The following MAF variants were observed in gnomAD, a reference collection of about 807,000 sequenced individuals.
MAF encodes the protein transcription factor Maf.
MAF carries 10 observed loss-of-function variants against 22.0 expected under a neutral mutation model. The ratio of observed to expected loss-of-function variants is 0.45; its 90% CI spans 0.28 to 0.77. MAF has a LOEUF of 0.77. Ranked by LOEUF, MAF falls within the 30% of genes least tolerant of loss-of-function variation. The pLI, the probability that MAF is intolerant of heterozygous loss-of-function variation, is 0.12. For missense variants in MAF, 544 were observed against 548.4 expected (o/e 0.99, Z 0.08); for synonymous variants, 337 against 255.8 (o/e 1.32, Z -3.03).
the MAF span, among the ~76,000 whole-genome samples, chr16:79,503,072 G>A: frequency 2.0e-5 from 3 of 152,020 alleles, no homozygotes; most frequent in Admixed American, 6.6e-5. Flanking sequence ...GAGCCTGGGG[G>A]TTCAAATTCA....
the MAF span, among the ~76,000 whole-genome samples, chr16:79,513,482 G>A: frequency 6.6e-6 from 1 of 152,206 alleles, no homozygotes; most frequent in Admixed American, 6.5e-5. Context: ...GACGGTCAAT[G>A]AAACAGCATT....
the MAF span, among the ~76,000 whole-genome samples, chr16:79,333,602 T>C: frequency 6.6e-5 from 10 of 152,204 alleles, no homozygotes; most frequent in African/African-American, 2.2e-4. Flanking sequence ...TGATACTGAG[T>C]TACATTTTTT....
chr16:79,598,420 A>AC, intron 1 of MAF: 3 of 987,468 alleles, frequency 3.0e-6, no homozygotes, highest in Non-Finnish European at 3.9e-6. Flanking sequence ...AGATCATTGA[A>AC]CATTGTGCAA....
At chr16:79,313,266 A>T in the MAF span, among the ~76,000 whole-genome samples, 1 of 152,138 alleles carries the variant, frequency 6.6e-6, no homozygotes, top group Non-Finnish European at 1.5e-5. Context: ...TAACAACATG[A>T]TTAATTTTTT....
At chr16:79,467,446 C>A in the MAF span, among the ~76,000 whole-genome samples, 1 of 152,196 alleles carries the variant, frequency 6.6e-6, no homozygotes. Context: ...ATGAAAGAAT[C>A]TCCCTTATTG....
the MAF span, among the ~76,000 whole-genome samples, chr16:79,387,463 G>C: frequency 4.1e-4 from 63 of 152,218 alleles, no homozygotes; most frequent in South Asian, 0.011. Flanking sequence ...ATGAGTCCCA[G>C]TGGGAAGTTA....
chr16:79,503,687 T>C, the MAF span, among the ~76,000 whole-genome samples: 1 of 150,920 alleles, frequency 6.6e-6, no homozygotes, highest in Admixed American at 6.6e-5. Context: ...AAAAATCACA[T>C]GAGTGTTCCT....
the MAF span, among the ~76,000 whole-genome samples, chr16:79,319,134 T>A: frequency 6.6e-6 from 1 of 152,114 alleles, no homozygotes; most frequent in South Asian, 2.1e-4. Context: ...ACTCCAAATA[T>A]CCAGGCAGAG....
At chr16:79,207,530 A>C in the MAF span, among the ~76,000 whole-genome samples, 4 of 152,232 alleles carry the variant, frequency 2.6e-5, no homozygotes, top group African/African-American at 7.2e-5. Flanking sequence ...TTTGCTGTGC[A>C]ATGTCCCTGT....
chr16:79,279,470 C>G, the MAF span, among the ~76,000 whole-genome samples: 1 of 152,164 alleles, frequency 6.6e-6, no homozygotes, highest in Non-Finnish European at 1.5e-5. Flanking sequence ...TTCTGAGTAG[C>G]TGTGGGGAAT....
At chr16:79,335,723 G>T in the MAF span, among the ~76,000 whole-genome samples, 1 of 152,230 alleles carries the variant, frequency 6.6e-6, no homozygotes, top group Non-Finnish European at 1.5e-5. Context: ...ACCTGCTGCT[G>T]GGGCCGGGAA....
chr16:79,458,837 A>T, the MAF span, among the ~76,000 whole-genome samples: 1 of 152,242 alleles, frequency 6.6e-6, no homozygotes, highest in Admixed American at 6.5e-5. Context: ...GTCTAGGGTT[A>T]GAATCACTGA....
chr16:79,372,543 G>C, the MAF span, among the ~76,000 whole-genome samples: 2 of 152,158 alleles, frequency 1.3e-5, no homozygotes, highest in Non-Finnish European at 2.9e-5. Flanking sequence ...CATCAGACTG[G>C]AAAAACCTAG....
chr16:79,288,961 C>T, the MAF span, among the ~76,000 whole-genome samples: 1 of 152,200 alleles, frequency 6.6e-6, no homozygotes, highest in Non-Finnish European at 1.5e-5. Context: ...AACTCCTAAC[C>T]TCAGGTGATC....
the MAF span, among the ~76,000 whole-genome samples, chr16:79,214,590 A>G: frequency 6.7e-6 from 1 of 150,230 alleles, no homozygotes; most frequent in African/African-American, 2.4e-5. Flanking sequence ...TATTTTAAGT[A>G]GAGACGGGGT....
At chr16:79,487,509 A>T in the MAF span, among the ~76,000 whole-genome samples, 1 of 152,214 alleles carries the variant, frequency 6.6e-6, no homozygotes, top group Admixed American at 6.5e-5. Flanking sequence ...GATTGAAAGA[A>T]GGCATTTTTT....
At chr16:79,383,573 G>T in the MAF span, among the ~76,000 whole-genome samples, 2 of 152,208 alleles carry the variant, frequency 1.3e-5, no homozygotes, top group Non-Finnish European at 2.9e-5. Context: ...TTGATCTCAA[G>T]AAGCCATGTG....
the MAF span, among the ~76,000 whole-genome samples, chr16:79,328,277 GCTC>G: frequency 6.7e-6 from 1 of 148,398 alleles, no homozygotes; most frequent in Non-Finnish European, 1.5e-5. Flanking sequence ...GCAAATCAGA[GCTC>G]CTTTTTTTTT....
At chr16:79,279,865 A>G in the MAF span, among the ~76,000 whole-genome samples, 14 of 152,082 alleles carry the variant, frequency 9.2e-5, no homozygotes, top group African/African-American at 3.4e-4. Flanking sequence ...TGATTTGGGG[A>G]AAGTCCAGCC....
Sources: allele counts gnomAD v4.1 joint callset (sites outside exome capture counted in the v4.1 genomes callset), GRCh38; gene constraint gnomAD v4.1.1; transcripts MANE v1.5; gene names NCBI Gene and HGNC (gene_info 2026-07-23, HGNC 2026-07-21).